ROBO1: variants seen among roughly 807,000 people sequenced by gnomAD.
ROBO1 encodes roundabout homolog 1.
Under a neutral mutation model 195.9 loss-of-function variants are expected in ROBO1, and 149 were observed. The ratio of observed to expected loss-of-function variants is 0.76; its 90% CI spans 0.67 to 0.87. The LOEUF is 0.87. ROBO1 is among the 40% of genes least tolerant of loss of function. The probability of loss-of-function intolerance (pLI) is 0.00; values close to 1 mark genes in which losing one functional copy is unlikely to be tolerated. For missense variants in ROBO1, 1,933 were observed against 2,068.3 expected (o/e 0.93, Z 1.27); for synonymous variants, 816 against 733.2 (o/e 1.11, Z -1.82).
intron 2 of ROBO1, among the ~76,000 whole-genome samples, chr3:79,585,017 T>C (rs1336863214): frequency 6.6e-6 from 1 of 151,906 alleles, no homozygotes; most frequent in Non-Finnish European, 1.5e-5. Context: ...GAGATTTATA[T>C]AATGTGTAAA....
chr3:78,609,512 CTTT>C (rs1488449381), intron 28 of ROBO1, among the ~76,000 whole-genome samples: 2 of 152,202 alleles, frequency 1.3e-5, no homozygotes, highest in Non-Finnish European at 2.9e-5. Context: ...AGCCTTCCTT[CTTT>C]ACCAACATGA....
chr3:78,878,424 G>T (rs1576332780), intron 4 of ROBO1, among the ~76,000 whole-genome samples: 1 of 151,434 alleles, frequency 6.6e-6, no homozygotes, highest in African/African-American at 2.4e-5. Flanking sequence ...GTCTCTACTA[G>T]AAATACAAAA....
chr3:79,512,545 C>T (rs1359695511), intron 2 of ROBO1, among the ~76,000 whole-genome samples: 4 of 151,952 alleles, frequency 2.6e-5, no homozygotes, highest in South Asian at 2.1e-4. Context: ...TTTACATATT[C>T]GAGTTGTTAC....
intron 21 of ROBO1, among the ~76,000 whole-genome samples, 164 bp from the exon 22 acceptor site, chr3:78,640,062 A>C (rs1398547885): frequency 6.6e-6 from 1 of 152,196 alleles, no homozygotes; most frequent in South Asian, 2.1e-4. Flanking sequence ...GGCAACTGTA[A>C]TATAAGGTTC....
rs935505275 is a variant in ROBO1, at chr3:79,445,197, T to C, written c.88+144627A>G. On this transcript the variant is annotated intron_variant, in intron 2 of 30. Coordinates refer to ENST00000464233, the MANE Select transcript of ROBO1 (RefSeq NM_002941.4). ...TCAGGTTTTAAGTCCCATTCACTAT[T>C]TTTTTTTGTGTCATAAGATACATAT... is the stretch of plus-strand genomic sequence containing the variant. Among the ~76,000 whole-genome samples, 10 of 19,764 alleles carry C rather than the reference T, an allele frequency of 5.1e-4. No homozygotes were observed. In the African/African-American group the frequency reaches 0.013, roughly 25 times the overall value. The allele number at this position is 19,764 out of a possible 152,430, so 13.0% of individuals were successfully genotyped here.
At chr3:79,680,147 T>C (rs923040668) in intron 1 of ROBO1, among the ~76,000 whole-genome samples, 1 of 151,990 alleles carries the variant, frequency 6.6e-6, no homozygotes, top group African/African-American at 2.4e-5. Context: ...TCTCTCCAAA[T>C]AACAAGGAAA....
At chr3:79,188,641 A>G (rs1405051244) in intron 2 of ROBO1, among the ~76,000 whole-genome samples, 2 of 151,798 alleles carry the variant, frequency 1.3e-5, no homozygotes, top group East Asian at 1.9e-4. Context: ...TTTTGAAAAT[A>G]TGAAGATGCC....
At chr3:78,602,231 T>G (rs1703219775) in intron 29 of ROBO1, among the ~76,000 whole-genome samples, 1 of 152,014 alleles carries the variant, frequency 6.6e-6, no homozygotes, top group African/African-American at 2.4e-5. Flanking sequence ...ATAGGTGAGC[T>G]CTTGCTCTGA....
chr3:79,560,806 C>T (rs1348707238), intron 2 of ROBO1, among the ~76,000 whole-genome samples: 2 of 151,890 alleles, frequency 1.3e-5, no homozygotes, highest in East Asian at 1.9e-4. Flanking sequence ...AAACTAAGTG[C>T]TTCGCTATTA....
At chr3:78,756,384 A>C (rs2082932433) in intron 4 of ROBO1, among the ~76,000 whole-genome samples, 1 of 152,198 alleles carries the variant, frequency 6.6e-6, no homozygotes, top group Non-Finnish European at 1.5e-5. Flanking sequence ...CACAAGAACT[A>C]ATAACATATT....
chr3:79,312,287 T>C, intron 2 of ROBO1, among the ~76,000 whole-genome samples: 1 of 152,198 alleles, frequency 6.6e-6, no homozygotes, highest in Admixed American at 6.5e-5. Flanking sequence ...TCGCCACATC[T>C]GGATATAGAG....
chr3:79,115,270 T>C (rs140988934), intron 3 of ROBO1, among the ~76,000 whole-genome samples: 1 of 152,268 alleles, frequency 6.6e-6, no homozygotes, highest in East Asian at 1.9e-4. Flanking sequence ...TCAGGGATAG[T>C]GGCTAAAGGG....
At chr3:79,002,005 T>C (rs765290822) in intron 3 of ROBO1, among the ~76,000 whole-genome samples, 6 of 152,166 alleles carry the variant, frequency 3.9e-5, no homozygotes, top group Admixed American at 1.3e-4. Flanking sequence ...GCTCCCACTA[T>C]GTGCTAGGTG....
chr3:78,937,416 T>C (rs2039872884), intron 4 of ROBO1, among the ~76,000 whole-genome samples: 1 of 151,964 alleles, frequency 6.6e-6, no homozygotes, highest in South Asian at 2.1e-4. Flanking sequence ...TATAAATATA[T>C]ACATGGTTAT....
chr3:78,847,342 G>A (rs2033737057), intron 4 of ROBO1, among the ~76,000 whole-genome samples: 1 of 152,112 alleles, frequency 6.6e-6, no homozygotes, highest in African/African-American at 2.4e-5. Flanking sequence ...GACCAGAAAT[G>A]TGTCAGGCCA....
At chr3:79,407,021 C>T (rs79887647) in intron 2 of ROBO1, among the ~76,000 whole-genome samples, 2,138 of 152,166 alleles carry the variant, frequency 0.014, 36 homozygotes, top group African/African-American at 0.047. Flanking sequence ...CGGATTCAAA[C>T]GATTCTTCTG....
chr3:79,675,946 T>C (rs893700345), intron 1 of ROBO1, among the ~76,000 whole-genome samples: 2 of 151,974 alleles, frequency 1.3e-5, no homozygotes, highest in Admixed American at 6.6e-5. Flanking sequence ...GATAAAAAGG[T>C]ATAGCTTTCT....
chr3:78,805,344 T>C (rs1445468793), intron 4 of ROBO1, among the ~76,000 whole-genome samples: 3 of 152,278 alleles, frequency 2.0e-5, no homozygotes, highest in African/African-American at 7.2e-5. Flanking sequence ...CTTTTGTTTC[T>C]TAATGATACA....
At chr3:78,941,080 GTTT>G (rs1229034870) in intron 3 of ROBO1, among the ~76,000 whole-genome samples, 1 of 152,116 alleles carries the variant, frequency 6.6e-6, no homozygotes, top group African/African-American at 2.4e-5. Context: ...TCCAATTAAT[GTTT>G]TTCTTAGTGA....
Sources: gnomAD v4.1 joint callset for allele counts (sites outside exome capture counted in the v4.1 genomes callset) on GRCh38, gnomAD v4.1.1 for gene constraint, MANE v1.5 for transcripts, NCBI Gene and HGNC (gene_info 2026-07-23, HGNC 2026-07-21) for gene names.